The following NUP93 variants were observed in gnomAD, a reference collection of about 807,000 sequenced individuals.
The protein encoded by NUP93 is nucleoporin 93, also known as nuclear pore complex protein Nup93.
NUP93 carries 55 observed loss-of-function variants against 107.8 expected under a neutral mutation model. The ratio of observed to expected loss-of-function variants is 0.51; its 90% CI spans 0.41 to 0.64. The LOEUF is 0.64. Ranked by LOEUF, NUP93 falls within the 30% of genes least tolerant of loss-of-function variation. NUP93 has a pLI of 0.00. For synonymous variants in NUP93, 390 were observed against 397.5 expected (o/e 0.98, Z 0.22); for missense variants, 937 against 1,044.7 (o/e 0.90, Z 1.42).
Position 56,847,375 on chromosome 16 carries a change from C to T in NUP93, c.*2766C>T, listed in dbSNP as rs545092939. 3.9e-5 allele frequency: 6 copies of T among 152,314 alleles called. No individual in the cohort carries two copies. In the East Asian group the frequency reaches 1.2e-3, roughly 29 times the overall value. The allele number at this position is 152,314 out of a possible 1,614,324, so 9.4% of individuals were successfully genotyped here. A position where few individuals can be genotyped will look rare whatever the true frequency, so the allele number is the denominator to read the frequency against. ...AGCCCACTTTTTCAGAGAACTAACT[C>T]TTTCCTTAGATGTTGGGCCAGGATT... On this transcript the variant is annotated 3_prime_UTR_variant, in exon 22 of 22. Transcript: ENST00000308159.
At position 56,808,233 on chromosome 16, in the gene NUP93, T is replaced by C. The variant is rs1431103160; in HGVS notation, c.489+2601T>C. 1.8e-3 allele frequency among the ~76,000 whole-genome samples: 176 copies of C among 99,202 alleles called. 2 individuals are homozygous for C. Among genetic ancestry groups the C allele is most frequent in the Non-Finnish European group, 2.8e-3 (147 of 52,054 alleles). 65.1% of individuals were successfully genotyped at this position (99,202 alleles called of 152,430 possible). A position where few individuals can be genotyped will look rare whatever the true frequency, so the allele number is the denominator to read the frequency against. On this transcript the variant is annotated intron_variant, in intron 5 of 21. Coordinates refer to ENST00000308159, the MANE Select transcript of NUP93 (RefSeq NM_014669.5). Reference sequence around the variant, plus strand: ...TATAGTTATGTAACTATATAAAATATATAGTTATGTAACTATATAAAATAT... The same window carrying C: ...TATAGTTATGTAACTATATAAAATACATAGTTATGTAACTATATAAAATAT...
intron 3 of NUP93, among the ~76,000 whole-genome samples, chr16:56,776,916 C>G (rs902404705): frequency 6.6e-6 from 1 of 152,172 alleles, no homozygotes; most frequent in African/African-American, 2.4e-5. Flanking sequence ...GTATTTTTTA[C>G]TGTGGTAGAA....
In NUP93 at chr16:56,841,687, GT is replaced by G. The variant is rs1251889372; in HGVS notation, c.2221-13del. ...AGGCTTGGTTCTTTTTCTTTACTCT[GT>G]TTTTCTCTCTATGTAGATCAGGCAC... On this transcript the variant is annotated splice_polypyrimidine_tract_variant and intron_variant, in intron 20 of 21. Transcript: ENST00000308159. The G allele has an allele frequency of 6.2e-7, 1 of 1,612,142 alleles. No homozygotes were observed. Among genetic ancestry groups the G allele is most frequent in the East Asian group, 2.2e-5 (1 of 44,822 alleles).
chr16:56,777,506 C>CT (rs200782594), intron 3 of NUP93, among the ~76,000 whole-genome samples: 2,327 of 152,014 alleles, frequency 0.015, 29 homozygotes, highest in Admixed American at 0.04. Flanking sequence ...GAAATCTTCT[C>CT]TTTTTTTTAT....
intron 3 of NUP93, 121 bp from the exon 4 acceptor site, chr16:56,798,355 G>T (rs1318204893): frequency 2.7e-6 from 2 of 736,268 alleles, no homozygotes; most frequent in Non-Finnish European, 4.6e-6. Context: ...TTCAAGTTGG[G>T]AGAGTTTTGT....
intron 1 of NUP93, among the ~76,000 whole-genome samples, chr16:56,730,645 C>T (rs1961518975): frequency 6.6e-6 from 1 of 152,188 alleles, no homozygotes; most frequent in South Asian, 2.1e-4. Flanking sequence ...AGGCGTTGCT[C>T]TGCGAGGGAA....
intron 3 of NUP93, among the ~76,000 whole-genome samples, chr16:56,792,412 G>C (rs1274830522): frequency 6.6e-6 from 1 of 152,226 alleles, no homozygotes; most frequent in East Asian, 1.9e-4. Context: ...ATGGAGCGTG[G>C]AAGAGGGAAA....
chr16:56,837,473 G>A (rs1442776948), intron 17 of NUP93, 135 bp from the exon 18 acceptor site: 1 of 650,290 alleles, frequency 1.5e-6, no homozygotes, highest in Non-Finnish European at 2.7e-6. Flanking sequence ...TGAGGCACGA[G>A]AATTGCTTGA....
intron 8 of NUP93, among the ~76,000 whole-genome samples, chr16:56,825,182 G>C (rs1321437957): frequency 2.0e-5 from 3 of 147,264 alleles, no homozygotes; most frequent in Non-Finnish European, 4.5e-5. Flanking sequence ...TCAGCCTCCT[G>C]AGGTGTGTGC....
At position 56,801,877 on chromosome 16, in the gene NUP93, C is replaced by T. The variant is rs1963027915; in HGVS notation, c.360+3339C>T. On this transcript the variant is annotated intron_variant, in intron 4 of 21. Coordinates refer to ENST00000308159, the MANE Select transcript of NUP93 (RefSeq NM_014669.5). ...GCACACAGGCAGGCAGCCCAATTAA[C>T]AGGGAATGGTTAATTCCCACTGTTG... 1.3e-5 allele frequency among the ~76,000 whole-genome samples: 2 copies of T among 152,186 alleles called. 1 individual carries two copies. The highest frequency in any genetic ancestry group is 4.1e-4 in the South Asian group (2 of 4,830).
chr16:56,760,558 A>G (rs1962105562), intron 3 of NUP93, among the ~76,000 whole-genome samples: 1 of 152,066 alleles, frequency 6.6e-6, no homozygotes, highest in African/African-American at 2.4e-5. Flanking sequence ...TGAAAGCAGG[A>G]GCTAGAAAGA....
chr16:56,800,755 A>G (rs1188562604), intron 4 of NUP93, among the ~76,000 whole-genome samples: 1 of 152,230 alleles, frequency 6.6e-6, no homozygotes, highest in African/African-American at 2.4e-5. Flanking sequence ...GTCTTTCCCC[A>G]TTTGGTACAT....
chr16:56,829,935 G>A (rs1963746037), intron 9 of NUP93, among the ~76,000 whole-genome samples: 1 of 152,246 alleles, frequency 6.6e-6, no homozygotes, highest in African/African-American at 2.4e-5. Context: ...AGCAAAGACA[G>A]AAGCGTAAGC....
intron 3 of NUP93, chr16:56,782,169 C>T (rs746435093): frequency 5.0e-5 from 49 of 985,196 alleles, no homozygotes; most frequent in African/African-American, 1.2e-4. Context: ...CTGCAGTGAT[C>T]GACAGCATCG....
At chr16:56,753,715 GA>G (rs1961966007) in intron 2 of NUP93, among the ~76,000 whole-genome samples, 1 of 151,956 alleles carries the variant, frequency 6.6e-6, no homozygotes, top group African/African-American at 2.4e-5. Flanking sequence ...AAGATTATAA[GA>G]AAAAAATGAG....
intron 20 of NUP93, among the ~76,000 whole-genome samples, chr16:56,840,520 T>C (rs535637473): frequency 1.3e-5 from 2 of 152,294 alleles, no homozygotes; most frequent in South Asian, 4.1e-4. Flanking sequence ...TTTTCCCTGA[T>C]TGCTGCAGCC....
intron 3 of NUP93, among the ~76,000 whole-genome samples, chr16:56,791,733 G>A (rs1345399081): frequency 6.6e-6 from 1 of 152,120 alleles, no homozygotes; most frequent in African/African-American, 2.4e-5. Context: ...TTGATGTTAC[G>A]TTCTGGGTTG....
chr16:56,768,447 T>C (rs555952631), intron 3 of NUP93, among the ~76,000 whole-genome samples: 23 of 151,780 alleles, frequency 1.5e-4, no homozygotes, highest in Non-Finnish European at 2.6e-4. Flanking sequence ...CCTGTAATCC[T>C]AGCTACTCGG....
chr16:56,829,113 C>A lies in NUP93; in HGVS notation c.927+4C>A. 1 of 1,610,464 alleles carries A rather than the reference C, an allele frequency of 6.2e-7. No individual in the cohort carries two copies. Among genetic ancestry groups the A allele is most frequent in the Non-Finnish European group, 8.5e-7 (1 of 1,179,094 alleles). ...AGCTCCCTTGCCTGGACTACAGGTA[C>A]TGACAACTTTCTCTGTGTGATCAGT... On this transcript the variant is annotated splice_donor_region_variant and intron_variant, in intron 9 of 21. Coordinates refer to ENST00000308159, the MANE Select transcript of NUP93 (RefSeq NM_014669.5).
Sources: allele counts gnomAD v4.1 joint callset (sites outside exome capture counted in the v4.1 genomes callset), GRCh38; gene constraint gnomAD v4.1.1; transcripts MANE v1.5; gene names NCBI Gene and HGNC (gene_info 2026-07-23, HGNC 2026-07-21).